Variants in GNB1 observed in about 807,000 individuals in gnomAD.
GNB1 encodes the protein G protein subunit beta 1, also known as guanine nucleotide-binding protein G(I)/G(S)/G(T) subunit beta-1.
In GNB1, 2 loss-of-function variants were observed where a neutral mutation model predicts 42.9. That is an observed-to-expected ratio of 0.05 (90% confidence interval 0.02 to 0.15). GNB1 has a LOEUF of 0.15. GNB1 is among the 10% of genes least tolerant of loss of function. The pLI is 1.00. For synonymous variants in GNB1, 183 were observed against 174.7 expected, an observed-to-expected ratio of 1.05 and a Z score of -0.38; for missense variants, 193 against 462.2, an observed-to-expected ratio of 0.42 and a Z score of 5.34.
Position 1,793,327 on chromosome 1 carries a change from C to A in GNB1, c.431-16G>T, listed in dbSNP as rs1188731202. The A allele has an allele frequency of 1.3e-6, 2 of 1,599,426 alleles. No homozygotes were observed. Among genetic ancestry groups the A allele is most frequent in the South Asian group, 1.1e-5 (1 of 90,556 alleles). On this transcript the variant is annotated splice_polypyrimidine_tract_variant and intron_variant, in intron 7 of 11. Transcript: ENST00000378609. ...GACAGGTAACCTGGCAAAGAACAGG[C>A]CTAAGTGATGAGCTGAATCCAGCAG...
At chr1:1,843,830 C>A (rs903357043) in intron 1 of GNB1, among the ~76,000 whole-genome samples, 1 of 151,964 alleles carries the variant, frequency 6.6e-6, no homozygotes, top group African/African-American at 2.4e-5. Flanking sequence ...GAGGCCGAGG[C>A]GGGTGGATCA....
At chr1:1,888,191 AAAGTCAAT>A (rs1650260023) in intron 1 of GNB1, among the ~76,000 whole-genome samples, 1 of 152,174 alleles carries the variant, frequency 6.6e-6, no homozygotes, top group Non-Finnish European at 1.5e-5. Context: ...CTCTTTTGAG[AAAGTCAAT>A]TCTGAGCTGA....
Position 1,786,816 on chromosome 1 carries a change from C to CA in GNB1, c.*246dup, listed in dbSNP as rs1646412535. On this transcript the variant is annotated 3_prime_UTR_variant, in exon 12 of 12. Transcript: ENST00000378609. ...AATTCATTCAAGACAAAAAAGAAAACAAAGACGATGGCCCCGGAAGGAATG... is the reference window on the plus strand; with the variant it reads ...AATTCATTCAAGACAAAAAAGAAAACAAAAGACGATGGCCCCGGAAGGAATG... 1 of 152,536 alleles carries CA rather than the reference C, an allele frequency of 6.6e-6. No homozygotes were observed. The highest frequency in any genetic ancestry group is 1.5e-5 in the Non-Finnish European group (1 of 68,014). 9.4% of individuals were successfully genotyped at this position (152,536 alleles called of 1,614,324 possible). A position where few individuals can be genotyped will look rare whatever the true frequency, so the allele number is the denominator to read the frequency against.
At chr1:1,831,859 G>C (rs1647080761) in intron 2 of GNB1, among the ~76,000 whole-genome samples, 1 of 150,528 alleles carries the variant, frequency 6.6e-6, no homozygotes, top group African/African-American at 2.4e-5. Context: ...AGGAGTTCAA[G>C]ACCAGGCTGG....
intron 2 of GNB1, among the ~76,000 whole-genome samples, chr1:1,828,690 C>T (rs554049884): frequency 1.6e-3 from 240 of 152,284 alleles, no homozygotes; most frequent in African/African-American, 5.6e-3. Flanking sequence ...TAGCACTCTG[C>T]TGTGCCAACA....
rs1647146746 is a variant in GNB1 at position 1,836,198 on chromosome 1, C to T, written c.-47+2992G>A. Reference sequence around the variant, plus strand: ...ATAAGCAATGTGGAGAGTCCCGGCTCCTCACGCCCAACAACGCTGGGTGGG... The same window carrying T: ...ATAAGCAATGTGGAGAGTCCCGGCTTCTCACGCCCAACAACGCTGGGTGGG... On this transcript the variant is annotated intron_variant, in intron 2 of 11. Coordinates refer to ENST00000378609, the MANE Select transcript of GNB1 (RefSeq NM_002074.5). Among the ~76,000 whole-genome samples, 3 of 152,066 alleles carry T rather than the reference C, an allele frequency of 2.0e-5. No individual in the cohort carries two copies. In the South Asian group the frequency reaches 6.2e-4, roughly 32 times the overall value.
intron 1 of GNB1, among the ~76,000 whole-genome samples, chr1:1,884,136 T>A (rs1650016607): frequency 6.6e-6 from 1 of 151,638 alleles, no homozygotes; most frequent in African/African-American, 2.4e-5. Context: ...CGACTAATTT[T>A]TTTTTTTTTT....
chr1:1,797,149 G>A (rs1037544946), intron 7 of GNB1, among the ~76,000 whole-genome samples: 1 of 152,146 alleles, frequency 6.6e-6, no homozygotes, highest in Non-Finnish European at 1.5e-5. Context: ...ACCCAAGAAC[G>A]GGACGATGGG....
chr1:1,881,532 T>G (rs1649847147), intron 1 of GNB1, among the ~76,000 whole-genome samples: 1 of 151,824 alleles, frequency 6.6e-6, no homozygotes, highest in African/African-American at 2.4e-5. Flanking sequence ...GCCTAATGAG[T>G]AGCTGAGAAT....
At position 1,786,277 on chromosome 1, in the gene GNB1, A is replaced by G. The variant is rs954300957; in HGVS notation, c.*786T>C. 5.2e-6 allele frequency: 2 copies of G among 386,692 alleles called. No homozygotes were observed. Among genetic ancestry groups the G allele is most frequent in the Non-Finnish European group, 9.1e-6 (2 of 218,848 alleles). 24.0% of individuals were successfully genotyped at this position (386,692 alleles called of 1,614,324 possible). ...AAACCCAAAGTGAGATTAAAAACTC[A>G]ACTGAGAAGATAGACAGGATGGGTC... On this transcript the variant is annotated 3_prime_UTR_variant, in exon 12 of 12. Coordinates refer to ENST00000378609, the MANE Select transcript of GNB1 (RefSeq NM_002074.5).
chr1:1,882,340 A>G (rs1649891430), intron 1 of GNB1, among the ~76,000 whole-genome samples: 1 of 150,724 alleles, frequency 6.6e-6, no homozygotes, highest in Non-Finnish European at 1.5e-5. Context: ...AGGCAGGAGA[A>G]GCGCCTGAAC....
At position 1,790,814 on chromosome 1, in the gene GNB1, G is replaced by C. The variant is rs1429667622; in HGVS notation, c.498-218C>G. Reference sequence around the variant, plus strand: ...AAAATTATACAGAGATGAGCACAGGGCCTGGGCTTCAGAATGACGGGATCG... The same window carrying C: ...AAAATTATACAGAGATGAGCACAGGCCCTGGGCTTCAGAATGACGGGATCG... On this transcript the variant is annotated intron_variant, in intron 8 of 11. Transcript: ENST00000378609. The surrounding 1 kb of genome is among the most constrained non-coding windows in gnomAD (Gnocchi z 5.4). Among the ~76,000 whole-genome samples, 1 of 152,182 alleles carries C rather than the reference G, an allele frequency of 6.6e-6. No individual in the cohort carries two copies. Among genetic ancestry groups the C allele is most frequent in the African/African-American group, 2.4e-5 (1 of 41,440 alleles).
At chr1:1,868,197 C>T (rs1283798586) in intron 1 of GNB1, among the ~76,000 whole-genome samples, 4 of 151,674 alleles carry the variant, frequency 2.6e-5, no homozygotes, top group South Asian at 2.1e-4. Flanking sequence ...TTTTTTGAGA[C>T]GGAGTTTCGC....
chr1:1,817,597 A>G, intron 4 of GNB1: 2 of 361,048 alleles, frequency 5.5e-6, no homozygotes, highest in Admixed American at 8.3e-5. Context: ...ATATTTTACA[A>G]CTATTACCCT....
chr1:1,824,568 T>C (rs1360792141), intron 3 of GNB1, among the ~76,000 whole-genome samples: 1 of 152,022 alleles, frequency 6.6e-6, no homozygotes, highest in Non-Finnish European at 1.5e-5. Context: ...GGTAAATAAA[T>C]TTATCTTCAA....
At chr1:1,827,484 G>A (rs1336839465) in intron 2 of GNB1, among the ~76,000 whole-genome samples, 2 of 152,184 alleles carry the variant, frequency 1.3e-5, no homozygotes, top group South Asian at 2.1e-4. Context: ...GAGCATCACC[G>A]GAATTAGGTA....
At chr1:1,853,146 G>A (rs2101545501) in intron 1 of GNB1, among the ~76,000 whole-genome samples, 1 of 151,982 alleles carries the variant, frequency 6.6e-6, no homozygotes, top group East Asian at 1.9e-4. Context: ...CCTCTTGATG[G>A]CTTACCATCT....
chr1:1,890,590 G>A (rs1169278294), intron 1 of GNB1, among the ~76,000 whole-genome samples: 1 of 148,758 alleles, frequency 6.7e-6, no homozygotes. Context: ...CCAGCCTTGG[G>A]CCTGGGACCC....
chr1:1,792,646 C>T (rs1008421413), intron 8 of GNB1, among the ~76,000 whole-genome samples: 1 of 142,020 alleles, frequency 7.0e-6, no homozygotes, highest in Non-Finnish European at 1.5e-5. Context: ...TGCAATGAGC[C>T]GAGATCACGC....
Sources: gnomAD v4.1 joint callset for allele counts (sites outside exome capture counted in the v4.1 genomes callset) on GRCh38, gnomAD v4.1.1 for gene constraint, Gnocchi (gnomAD v3.1) non-coding constraint, MANE v1.5 for transcripts, NCBI Gene and HGNC (gene_info 2026-07-23, HGNC 2026-07-21) for gene names.